TXNL4A: variants seen among roughly 807,000 people sequenced by gnomAD.
TXNL4A encodes the protein thioredoxin-like protein 4A.
A neutral mutation model predicts 14.6 loss-of-function variants in TXNL4A; 17 were observed. The observed-to-expected ratio is 1.16, with a 90% CI of 0.80 to 1.74. The LOEUF (loss-of-function observed/expected upper bound fraction) is 1.74, where lower values mean the gene tolerates loss of function less well. TXNL4A is among the 40% of genes most tolerant of loss of function. TXNL4A has a pLI of 0.00. For synonymous variants in TXNL4A, 83 were observed against 70.6 expected (o/e 1.18, Z -0.88); for missense variants, 74 against 195.2 (o/e 0.38, Z 3.70).
In TXNL4A at chr18:80,031,919, TAAG is replaced by T. The variant is rs199707961; in HGVS notation, c.-61+1929_-61+1931del. On this transcript the variant is annotated intron_variant, in intron 1 of 2. Transcript: ENST00000585474. ...TGGTGGCACAAGCTAGTGCTTATAA[TAAG>T]AACAATTTCTGATCTGTCCTGTTTT... Among the ~76,000 whole-genome samples the T allele has an allele frequency of 3.9e-5, 6 of 152,390 alleles. No individual in the cohort carries two copies. The East Asian group carries it at 9.6e-4, about 24-fold the overall frequency.
rs116874360 is a variant in TXNL4A at position 79,974,138 on chromosome 18, C to T, written c.258-282G>A. Among the ~76,000 whole-genome samples, 1,199 of 152,202 alleles carry T rather than the reference C, an allele frequency of 7.9e-3. 19 individuals are homozygous for T. The highest frequency in any genetic ancestry group is 0.027 in the African/African-American group (1,110 of 41,506). ...AATTAAAAGGTCAAAGGAGGGCAGGCGCAGTGGCTCATGCCTGTAATCCCA... is the reference window on the plus strand; with the variant it reads ...AATTAAAAGGTCAAAGGAGGGCAGGTGCAGTGGCTCATGCCTGTAATCCCA... On this transcript the variant is annotated intron_variant, in intron 2 of 2. Coordinates refer to ENST00000269601, the MANE Select transcript of TXNL4A (RefSeq NM_006701.5).
At chr18:79,989,885 A>T (rs975134404), upstream of TXNL4A, among the ~76,000 whole-genome samples, 6 of 152,182 alleles carry the variant, frequency 3.9e-5, no homozygotes, top group Admixed American at 2.0e-4. Flanking sequence ...AATCCCAGCT[A>T]CTAGGGAGGC....
intron 1 of TXNL4A, among the ~76,000 whole-genome samples, chr18:79,999,023 T>C (rs1367126718): frequency 6.6e-6 from 1 of 152,166 alleles, no homozygotes; most frequent in Non-Finnish European, 1.5e-5. Flanking sequence ...TAGAGGTAAT[T>C]AAAGCCGGTC....
intron 1 of TXNL4A, among the ~76,000 whole-genome samples, chr18:80,023,763 TA>T (rs1325216328): frequency 6.6e-6 from 1 of 152,158 alleles, no homozygotes; most frequent in African/African-American, 2.4e-5. Flanking sequence ...ACAAAAACAA[TA>T]ACTTTTTGAA....
At chr18:79,977,185 C>A (rs983754652) in intron 2 of TXNL4A, 1 of 268,204 alleles carries the variant, frequency 3.7e-6, no homozygotes, top group Non-Finnish European at 7.2e-6. Context: ...TCTCGAACTC[C>A]TGACCTTGTG....
intron 1 of TXNL4A, among the ~76,000 whole-genome samples, chr18:80,016,239 T>C (rs796666726): frequency 6.6e-6 from 1 of 152,126 alleles, no homozygotes; most frequent in African/African-American, 2.4e-5. Flanking sequence ...TTTGTTTGAG[T>C]TCATTGTAGA....
At chr18:80,031,648 A>G (rs1417571882) in intron 1 of TXNL4A, among the ~76,000 whole-genome samples, 1 of 152,204 alleles carries the variant, frequency 6.6e-6, no homozygotes, top group East Asian at 1.9e-4. Context: ...TACATGAGTT[A>G]CCTCTTTGCC....
In TXNL4A at chr18:79,983,182, G is replaced by A. The variant is rs530101074; in HGVS notation, c.153+5058C>T. ...CATCTGGCTAAGTTTTGTATTTTTAGTAGAGATGGGGTTTCAACATGTTGG... is the reference window on the plus strand; with the variant it reads ...CATCTGGCTAAGTTTTGTATTTTTAATAGAGATGGGGTTTCAACATGTTGG... On this transcript the variant is annotated intron_variant, in intron 1 of 2. Transcript: ENST00000269601. Among the ~76,000 whole-genome samples the A allele has an allele frequency of 2.6e-5, 4 of 152,076 alleles. No individual in the cohort carries two copies. In the South Asian group the frequency reaches 6.2e-4, roughly 24 times the overall value.
chr18:80,033,025 T>C (rs946289764), intron 1 of TXNL4A, among the ~76,000 whole-genome samples: 20 of 73,692 alleles, frequency 2.7e-4, no homozygotes, highest in African/African-American at 7.8e-4. Flanking sequence ...TACTCCGCCC[T>C]TTCCCCTTTA....
In TXNL4A at chr18:79,972,945, G is replaced by A. The variant is rs1187336505; in HGVS notation, c.*740C>T. On this transcript the variant is annotated 3_prime_UTR_variant, in exon 3 of 3. Coordinates refer to ENST00000269601, the MANE Select transcript of TXNL4A (RefSeq NM_006701.5). Reference sequence around the variant, plus strand: ...GAGTAAACCTTTGGATTCTGTCATGGATTGAATTGTGTAACCGCAAAATTT... The same window carrying A: ...GAGTAAACCTTTGGATTCTGTCATGAATTGAATTGTGTAACCGCAAAATTT... 6.6e-6 allele frequency: 1 copy of A among 152,120 alleles called. No individual in the cohort carries two copies. Among genetic ancestry groups the A allele is most frequent in the East Asian group, 1.9e-4 (1 of 5,196 alleles). 9.4% of individuals were successfully genotyped at this position (152,120 alleles called of 1,614,324 possible).
At chr18:80,009,954 T>C (rs1448298504) in intron 1 of TXNL4A, among the ~76,000 whole-genome samples, 6 of 152,166 alleles carry the variant, frequency 3.9e-5, no homozygotes, top group Non-Finnish European at 7.3e-5. Context: ...CTTGGTGCCA[T>C]GTGTGAGCCC....
intron 1 of TXNL4A, among the ~76,000 whole-genome samples, chr18:80,014,462 G>A (rs976718597): frequency 3.9e-5 from 6 of 152,296 alleles, no homozygotes; most frequent in Admixed American, 1.3e-4. Flanking sequence ...ATCCAGCAGG[G>A]CAGTCAAATA....
intron 1 of TXNL4A, among the ~76,000 whole-genome samples, chr18:79,986,981 G>C (rs374449884): frequency 6.6e-6 from 1 of 152,160 alleles, no homozygotes; most frequent in South Asian, 2.1e-4. Context: ...CTGCTCTCCC[G>C]AATTCCCTAG....
intron 1 of TXNL4A, among the ~76,000 whole-genome samples, chr18:80,017,269 C>T (rs1460307076): frequency 6.6e-6 from 1 of 152,218 alleles, no homozygotes; most frequent in East Asian, 1.9e-4. Flanking sequence ...TGGGCTGAGA[C>T]GATGGGGTTT....
rs985906059 is a variant in TXNL4A, at chr18:79,988,518, C to T, written c.-126G>A. 9.6e-7 allele frequency: 1 copy of T among 1,042,446 alleles called. No homozygotes were observed. Among genetic ancestry groups the T allele is most frequent in the Non-Finnish European group, 1.2e-6 (1 of 810,080 alleles). 64.6% of individuals were successfully genotyped at this position (1,042,446 alleles called of 1,614,324 possible). ...GGCCCACGGACGAAATCCGGTCCCG[C>T]CCGCACACGCAAACTCCGCTGGGAC... On this transcript the variant is annotated 5_prime_UTR_variant, in exon 1 of 3. Coordinates refer to ENST00000269601, the MANE Select transcript of TXNL4A (RefSeq NM_006701.5).
chr18:80,014,052 G>C (rs2051790302), intron 1 of TXNL4A, among the ~76,000 whole-genome samples: 1 of 152,040 alleles, frequency 6.6e-6, no homozygotes, highest in South Asian at 2.1e-4. Flanking sequence ...GCAGAGGAAA[G>C]ACCAGCCCCC....
chr18:80,029,347 C>G (rs1444321256), intron 1 of TXNL4A, among the ~76,000 whole-genome samples: 1 of 152,204 alleles, frequency 6.6e-6, no homozygotes, highest in African/African-American at 2.4e-5. Context: ...CCCCTTCCAG[C>G]TGGACCTTTT....
In TXNL4A at chr18:79,993,796, G is replaced by C. The variant is rs1485440313; in HGVS notation, c.-60-16095C>G. The stretch of plus-strand genomic sequence containing the variant: ...GGTGTCTGGGAGGAAAGCACCTTAA[G>C]ACGTGCAACAGCTCTGAGCTGGTTT... On this transcript the variant is annotated intron_variant, in intron 1 of 2. Transcript: ENST00000585474. The surrounding 1 kb of genome is among the most constrained non-coding windows in gnomAD (Gnocchi z 4.4). 6.6e-6 allele frequency among the ~76,000 whole-genome samples: 1 copy of C among 152,198 alleles called. No homozygotes were observed. The highest frequency in any genetic ancestry group is 2.4e-5 in the African/African-American group (1 of 41,448).
At chr18:79,975,040 A>G (rs758422813) in intron 2 of TXNL4A, among the ~76,000 whole-genome samples, 72 of 152,304 alleles carry the variant, frequency 4.7e-4, no homozygotes, top group Non-Finnish European at 5.6e-4. Flanking sequence ...CTCATTCTCC[A>G]TGCTGCAGGC....
Sources: gnomAD v4.1 joint callset for allele counts (sites outside exome capture counted in the v4.1 genomes callset) on GRCh38, gnomAD v4.1.1 for gene constraint, Gnocchi (gnomAD v3.1) non-coding constraint, MANE v1.5 for transcripts, NCBI Gene and HGNC (gene_info 2026-07-23, HGNC 2026-07-21) for gene names.